The following ATP8B1 variants were observed in gnomAD, a reference collection of about 807,000 sequenced individuals.
ATP8B1 encodes the protein phospholipid-transporting ATPase IC.
Under a neutral mutation model 149.9 loss-of-function variants are expected in ATP8B1, and 80 were observed. The observed-to-expected ratio is 0.53, with a 90% CI of 0.45 to 0.64. The LOEUF is 0.64. ATP8B1 is among the 30% of genes least tolerant of loss of function. The pLI, the probability that ATP8B1 is intolerant of heterozygous loss-of-function variation, is 0.00. For synonymous variants in ATP8B1, 536 were observed against 562.8 expected, an observed-to-expected ratio of 0.95 and a Z score of 0.67; for missense variants, 1,247 against 1,552.6, an observed-to-expected ratio of 0.80 and a Z score of 3.31.
intron 1 of ATP8B1, among the ~76,000 whole-genome samples, chr18:57,751,958 C>A (rs2080024906): frequency 6.6e-6 from 1 of 152,088 alleles, no homozygotes; most frequent in South Asian, 2.1e-4. Flanking sequence ...ATAATCCCAG[C>A]ACTTTGGAGG....
intron 20 of ATP8B1, among the ~76,000 whole-genome samples, chr18:57,662,903 G>A (rs531820650): frequency 6.6e-5 from 10 of 152,178 alleles, no homozygotes; most frequent in Non-Finnish European, 8.8e-5. Flanking sequence ...ATAGGCACAC[G>A]CTATCACGCC....
intron 24 of ATP8B1, 144 bp downstream of exon 24, chr18:57,653,848 C>G: frequency 2.5e-6 from 2 of 802,378 alleles, no homozygotes; most frequent in South Asian, 3.0e-5. Flanking sequence ...ACAGCCATGA[C>G]CCTTGATGCC....
chr18:57,742,913 C>G (rs2079931246), intron 1 of ATP8B1, among the ~76,000 whole-genome samples: 1 of 151,950 alleles, frequency 6.6e-6, no homozygotes, highest in African/African-American at 2.4e-5. Context: ...GGGGAAATCT[C>G]AAAACCTTGA....
intron 12 of ATP8B1, among the ~76,000 whole-genome samples, chr18:57,689,923 G>C (rs981296435): frequency 5.3e-5 from 8 of 152,184 alleles, no homozygotes; most frequent in Non-Finnish European, 7.3e-5. Flanking sequence ...GGCTGAGGCA[G>C]GGGACTCACT....
chr18:57,787,706 T>C (rs974499054), intron 1 of ATP8B1, among the ~76,000 whole-genome samples: 2 of 152,240 alleles, frequency 1.3e-5, no homozygotes, highest in African/African-American at 4.8e-5. Context: ...TCTATTCCTT[T>C]AAAAATGCTC....
chr18:57,752,243 T>TAAA (rs1555653269), intron 1 of ATP8B1, among the ~76,000 whole-genome samples: 8 of 149,670 alleles, frequency 5.3e-5, no homozygotes, highest in African/African-American at 9.8e-5. Flanking sequence ...ATAATAATAA[T>TAAA]AAATGATAAT....
chr18:57,649,190 A>ATATCTATCTATCTATCTGTCTATC (rs141934028), intron 27 of ATP8B1, among the ~76,000 whole-genome samples: 1 of 148,096 alleles, frequency 6.8e-6, no homozygotes, highest in Admixed American at 6.9e-5. Context: ...GTGCTTGGCT[A>ATATCTATCTATCTATCTGTCTATC]TATCTATCTA....
intron 1 of ATP8B1, among the ~76,000 whole-genome samples, chr18:57,776,005 C>G (rs1431580641): frequency 1.3e-5 from 2 of 152,104 alleles, no homozygotes; most frequent in African/African-American, 4.8e-5. Context: ...AAGGCAATAT[C>G]TAGTAATGAT....
At chr18:57,738,606 C>T (rs772116730) in intron 1 of ATP8B1, among the ~76,000 whole-genome samples, 8 of 149,836 alleles carry the variant, frequency 5.3e-5, no homozygotes, top group African/African-American at 9.9e-5. Context: ...GCAACAAGAG[C>T]GAAACTCTGC....
rs201570084 is a variant in ATP8B1, at chr18:57,724,122, C to T, written c.181+7505G>A. 1.9e-3 allele frequency among the ~76,000 whole-genome samples: 286 copies of T among 151,328 alleles called. 9 individuals are homozygous for T. The East Asian group carries it at 0.044, about 24-fold the overall frequency. ...ATTCAAGATGGATTAAAGATTTAAA[C>T]GTTAGACCTAAAACCATAAAAACCC... is the stretch of plus-strand genomic sequence containing the variant. On this transcript the variant is annotated intron_variant, in intron 2 of 27. Transcript: ENST00000648908.
chr18:57,670,417 T>C (rs1420566574), intron 17 of ATP8B1, among the ~76,000 whole-genome samples: 5 of 151,094 alleles, frequency 3.3e-5, no homozygotes, highest in African/African-American at 1.2e-4. Flanking sequence ...AGTGGTGCGA[T>C]CTCGGTTCAC....
At chr18:57,751,072 G>A (rs1319994970) in intron 1 of ATP8B1, among the ~76,000 whole-genome samples, 1 of 151,960 alleles carries the variant, frequency 6.6e-6, no homozygotes, top group African/African-American at 2.4e-5. Context: ...GCAGTGAGGA[G>A]AGACTGTGCC....
chr18:57,660,772 T>G (rs1474714051), intron 22 of ATP8B1, among the ~76,000 whole-genome samples: 1 of 152,164 alleles, frequency 6.6e-6, no homozygotes, highest in East Asian at 1.9e-4. Flanking sequence ...CTGCCTCGGC[T>G]TCCCAAAATG....
intron 1 of ATP8B1, among the ~76,000 whole-genome samples, chr18:57,733,005 A>G (rs1395341816): frequency 2.0e-5 from 3 of 152,152 alleles, no homozygotes; most frequent in Admixed American, 6.5e-5. Flanking sequence ...CTGACTTCCC[A>G]GGAACACTCC....
chr18:57,743,451 A>G (rs1293020148), intron 1 of ATP8B1, among the ~76,000 whole-genome samples: 2 of 152,222 alleles, frequency 1.3e-5, no homozygotes, highest in Non-Finnish European at 2.9e-5. Context: ...AGGCAGATCT[A>G]TCCTACACCA....
chr18:57,700,736 T>C (rs1458866882), intron 6 of ATP8B1, among the ~76,000 whole-genome samples: 3 of 152,100 alleles, frequency 2.0e-5, no homozygotes, highest in Admixed American at 6.6e-5. Flanking sequence ...CTGGCCAACA[T>C]GGTGAAACCC....
At chr18:57,719,414 G>A (rs1048539138) in intron 2 of ATP8B1, among the ~76,000 whole-genome samples, 5 of 152,178 alleles carry the variant, frequency 3.3e-5, no homozygotes, top group Non-Finnish European at 7.3e-5. Context: ...CACTGTGCGC[G>A]AGCCGAAGCA....
At chr18:57,676,343 G>A (rs1911585419) in intron 15 of ATP8B1, among the ~76,000 whole-genome samples, 1 of 150,640 alleles carries the variant, frequency 6.6e-6, no homozygotes, top group African/African-American at 2.4e-5. Context: ...TGTATTTTTT[G>A]TAGAGACAGG....
intron 1 of ATP8B1, among the ~76,000 whole-genome samples, chr18:57,749,874 C>A (rs1252961850): frequency 6.6e-6 from 1 of 152,164 alleles, no homozygotes; most frequent in East Asian, 1.9e-4. Context: ...ATCCTAACTT[C>A]CGAGAGCTCT....
Sources: gnomAD v4.1 joint callset for allele counts (sites outside exome capture counted in the v4.1 genomes callset) on GRCh38, gnomAD v4.1.1 for gene constraint, MANE v1.5 for transcripts, NCBI Gene and HGNC (gene_info 2026-07-23, HGNC 2026-07-21) for gene names.